The following PARPBP variants were observed in gnomAD, a reference collection of about 807,000 sequenced individuals.
The protein encoded by PARPBP is PARP1 binding protein.
PARPBP carries 52 observed loss-of-function variants against 50.0 expected under a neutral mutation model. The observed-to-expected ratio is 1.04, with a 90% confidence interval of 0.83 to 1.31. The LOEUF is 1.31. Ranked by LOEUF, PARPBP falls within the 50% of genes most tolerant of loss-of-function variation. The pLI is 0.00. For missense variants in PARPBP, 697 were observed against 672.0 expected (o/e 1.04, Z -0.41); for synonymous variants, 244 against 232.1 (o/e 1.05, Z -0.47).
chr12:102,148,286 G>T lies in PARPBP; in HGVS notation c.210G>T (p.Leu70Phe). 1 of 1,605,182 alleles carries T rather than the reference G, an allele frequency of 6.2e-7. No homozygotes were observed. The highest frequency in any genetic ancestry group is 8.5e-7 in the Non-Finnish European group (1 of 1,174,768). ...LSDVLLTWKY[L>F]LHEKLNLPVE... ...ATGTTTTATTGACATGGAAATACTT[G>T]CTCCATGAGAAATTGAACTTACCAG... is the stretch of plus-strand genomic sequence containing the variant. The change falls in exon 3 of 11, where the codon TTG (leucine) becomes TTT (phenylalanine). Residue 70 changes from leucine to phenylalanine, a missense_variant. Physicochemically the swap from Leu to Phe is conservative, Grantham distance 22. Coordinates refer to ENST00000327680, the MANE Select transcript of PARPBP (RefSeq NM_017915.5).
rs1891369630 is a variant in PARPBP, at chr12:102,197,006, C to T, written c.*715C>T. 2.5e-6 allele frequency: 4 copies of T among 1,611,686 alleles called. No individual in the cohort carries two copies. The African/African-American group carries it at 4.0e-5, about 16-fold the overall frequency. On this transcript the variant is annotated 3_prime_UTR_variant, in exon 11 of 11. Transcript: ENST00000327680. ...TCTCTCCTTCCTATAGGAAATTTAGCTGAGTTTTCTTCATCCCCAATTTCT... is the reference window on the plus strand; with the variant it reads ...TCTCTCCTTCCTATAGGAAATTTAGTTGAGTTTTCTTCATCCCCAATTTCT...
At chr12:102,141,000 C>T (rs540686803) in intron 2 of PARPBP, among the ~76,000 whole-genome samples, 14 of 152,200 alleles carry the variant, frequency 9.2e-5, no homozygotes, top group South Asian at 4.1e-4. Context: ...CTATTAGGTC[C>T]GCTTGGTGCA....
At chr12:102,177,557 T>A (rs920008053) in intron 7 of PARPBP, among the ~76,000 whole-genome samples, 2 of 152,152 alleles carry the variant, frequency 1.3e-5, no homozygotes, top group African/African-American at 4.8e-5. Flanking sequence ...CTTTCCCTTT[T>A]TAATCTGCTT....
At position 102,171,201 on chromosome 12, in the gene PARPBP, G is replaced by A. The variant is rs548278288; in HGVS notation, c.822-4282G>A. Among the ~76,000 whole-genome samples the A allele has an allele frequency of 6.0e-5, 9 of 151,120 alleles. No homozygotes were observed. The East Asian group carries it at 1.7e-3, about 29-fold the overall frequency. On this transcript the variant is annotated intron_variant, in intron 6 of 10. Coordinates refer to ENST00000327680, the MANE Select transcript of PARPBP (RefSeq NM_017915.5). ...AGTACACTCTAAAATAATGATAAAA[G>A]GTATAGCAAACACATAAACCAGTAA...
At chr12:102,180,930 T>C (rs1042821549) in intron 8 of PARPBP, among the ~76,000 whole-genome samples, 1 of 152,162 alleles carries the variant, frequency 6.6e-6, no homozygotes, top group African/African-American at 2.4e-5. Context: ...AGGCAATCTT[T>C]TATTCTTGCT....
chr12:102,159,899 A>T (rs985331075), intron 4 of PARPBP, among the ~76,000 whole-genome samples: 1 of 152,246 alleles, frequency 6.6e-6, no homozygotes, highest in Admixed American at 6.5e-5. Context: ...GAAACTTGGA[A>T]TTATCAGAAA....
intron 6 of PARPBP, among the ~76,000 whole-genome samples, chr12:102,174,683 T>C (rs1461163776): frequency 2.0e-5 from 3 of 152,174 alleles, no homozygotes; most frequent in Admixed American, 6.5e-5. Context: ...AGAATCCTCT[T>C]CTATTGGACA....
At chr12:102,151,791 C>T in intron 3 of PARPBP, 1 of 1,535,308 alleles carries the variant, frequency 6.5e-7, no homozygotes. Context: ...TGGCAGCTGT[C>T]ATGCGGCAAG....
chr12:102,180,153 A>G lies in PARPBP; in HGVS notation c.1184+1383A>G, dbSNP rs182695527. On this transcript the variant is annotated intron_variant, in intron 8 of 10. Coordinates refer to ENST00000327680, the MANE Select transcript of PARPBP (RefSeq NM_017915.5). ...TCCACATTCTACCTTAGAATGCCCA[A>G]ATATTTTATTAACGATAAATATTTT... 2.6e-5 allele frequency among the ~76,000 whole-genome samples: 4 copies of G among 152,296 alleles called. No individual in the cohort carries two copies. In the East Asian group the frequency reaches 7.7e-4, roughly 29 times the overall value.
In PARPBP at chr12:102,185,828, AT is replaced by A. The variant is rs1319445370; in HGVS notation, c.1263+3206del. Reference sequence around the variant, plus strand: ...ACCACCATGCCCAGCTAGTTTTTGTATTTTTAGAAGAGATGGGGTTTCACCA... The same window carrying A: ...ACCACCATGCCCAGCTAGTTTTTGTATTTTAGAAGAGATGGGGTTTCACCA... On this transcript the variant is annotated intron_variant, in intron 9 of 10. Transcript: ENST00000327680. 2.0e-5 allele frequency among the ~76,000 whole-genome samples: 3 copies of A among 151,636 alleles called. No homozygotes were observed. The East Asian group carries it at 5.8e-4, about 29-fold the overall frequency.
At position 102,196,701 on chromosome 12, in the gene PARPBP, A is replaced by G; in HGVS notation, c.*410A>G. On this transcript the variant is annotated 3_prime_UTR_variant, in exon 11 of 11. Transcript: ENST00000327680. Reference sequence around the variant, plus strand: ...GACTCTTCCCAGCATACATCTGAGCACTGAAGGAAGAAGAAAGTTTAAATT... The same window carrying G: ...GACTCTTCCCAGCATACATCTGAGCGCTGAAGGAAGAAGAAAGTTTAAATT... The G allele has an allele frequency of 6.2e-7, 1 of 1,607,102 alleles. No individual in the cohort carries two copies. The highest frequency in any genetic ancestry group is 8.5e-7 in the Non-Finnish European group (1 of 1,174,488).
intron 2 of PARPBP, among the ~76,000 whole-genome samples, chr12:102,140,158 A>G (rs1415525823): frequency 6.6e-6 from 1 of 152,168 alleles, no homozygotes; most frequent in African/African-American, 2.4e-5. Flanking sequence ...CCTCAATTTC[A>G]GAGCCTGTTA....
At chr12:102,140,842 G>A (rs2138109221) in intron 2 of PARPBP, among the ~76,000 whole-genome samples, 2 of 152,344 alleles carry the variant, frequency 1.3e-5, no homozygotes, top group Middle Eastern at 3.4e-3. Context: ...ACTGTGGTCT[G>A]AGAGACAGTC....
chr12:102,168,297 AC>A (rs1888352480), intron 6 of PARPBP, among the ~76,000 whole-genome samples: 1 of 152,170 alleles, frequency 6.6e-6, no homozygotes, highest in East Asian at 1.9e-4. Flanking sequence ...GGGTAGAAGT[AC>A]ATTTGTTTTA....
Position 102,153,939 on chromosome 12 carries a change from C to T in PARPBP, c.458C>T (p.Thr153Ile), listed in dbSNP as rs759021833. The T allele has an allele frequency of 4.4e-6, 7 of 1,607,450 alleles. No homozygotes were observed. The East Asian group carries it at 6.7e-5, about 15-fold the overall frequency. ...VGDETDLSIP[T>I]SPTSKYNRDN... Reference sequence around the variant, plus strand: ...GATGAAACTGATCTTTCTATACCAACATCACCAACAAGTAAATACAACCGT... The same window carrying T: ...GATGAAACTGATCTTTCTATACCAATATCACCAACAAGTAAATACAACCGT... The change falls in exon 4 of 11, where the codon ACA (threonine) becomes ATA (isoleucine). Residue 153 changes from threonine (T) to isoleucine (I), a missense_variant. Physicochemically the swap from Thr to Ile is moderately conservative, Grantham distance 89. Transcript: ENST00000327680.
At chr12:102,169,062 C>T (rs1157205887) in intron 6 of PARPBP, among the ~76,000 whole-genome samples, 4 of 152,084 alleles carry the variant, frequency 2.6e-5, no homozygotes, top group Non-Finnish European at 5.9e-5. Flanking sequence ...CAATTTTTGC[C>T]AGAATAGACA....
Position 102,197,000 on chromosome 12 carries a change from A to G in PARPBP, c.*709A>G, listed in dbSNP as rs769213731. Reference sequence around the variant, plus strand: ...TCAAAATCTCTCCTTCCTATAGGAAATTTAGCTGAGTTTTCTTCATCCCCA... The same window carrying G: ...TCAAAATCTCTCCTTCCTATAGGAAGTTTAGCTGAGTTTTCTTCATCCCCA... On this transcript the variant is annotated 3_prime_UTR_variant, in exon 11 of 11. Coordinates refer to ENST00000327680, the MANE Select transcript of PARPBP (RefSeq NM_017915.5). 12 of 1,611,716 alleles carry G rather than the reference A, an allele frequency of 7.4e-6. No homozygotes were observed. The South Asian group carries it at 1.2e-4, about 16-fold the overall frequency.
chr12:102,137,516 A>AT lies in PARPBP; in HGVS notation c.154-10702dup, dbSNP rs56245119. On this transcript the variant is annotated intron_variant, in intron 2 of 10. Coordinates refer to ENST00000327680, the MANE Select transcript of PARPBP (RefSeq NM_017915.5). ...CTCTAGCAGTTATATACTGCTAAAG[A>AT]TTTTTTTTTTTTAATTCTAGGGTAT... is the stretch of plus-strand genomic sequence containing the variant. 1.2e-3 allele frequency among the ~76,000 whole-genome samples: 185 copies of AT among 149,342 alleles called. 1 individual carries two copies. The highest frequency in any genetic ancestry group is 6.0e-3 in the South Asian group (28 of 4,698).
intron 5 of PARPBP, 71 bp from the exon 6 acceptor site, chr12:102,165,658 T>G: frequency 8.3e-7 from 1 of 1,201,504 alleles, no homozygotes. Flanking sequence ...ATAGATTTAC[T>G]TAGCTTTATG....
Sources: allele counts gnomAD v4.1 joint callset (sites outside exome capture counted in the v4.1 genomes callset), GRCh38; gene constraint gnomAD v4.1.1; transcripts MANE v1.5; gene names NCBI Gene and HGNC (gene_info 2026-07-23, HGNC 2026-07-21).